Variants in MCTP2 observed in about 807,000 individuals in gnomAD.
MCTP2 encodes the protein multiple C2 and transmembrane domain containing 2.
MCTP2 carries 132 observed loss-of-function variants against 111.6 expected under a neutral mutation model. The observed-to-expected ratio is 1.18, with a 90% CI of 1.03 to 1.37. The LOEUF is 1.37. Among genes scored for constraint, MCTP2 ranks in the 40% most tolerant of loss-of-function variants. MCTP2 has a pLI of 0.00. For missense variants in MCTP2, 1,183 were observed against 1,067.9 expected (o/e 1.11, Z -1.50); for synonymous variants, 395 against 387.7 (o/e 1.02, Z -0.22).
intron 4 of MCTP2, among the ~76,000 whole-genome samples, chr15:94,329,873 A>G (rs2077054592): frequency 6.6e-6 from 1 of 152,130 alleles, no homozygotes; most frequent in African/African-American, 2.4e-5. Context: ...CCTTCCATTA[A>G]CTAGAGTCCT....
intron 1 of MCTP2, among the ~76,000 whole-genome samples, chr15:94,292,315 G>A (rs1010474661): frequency 2.6e-5 from 4 of 151,816 alleles, no homozygotes; most frequent in African/African-American, 7.3e-5. Flanking sequence ...AATAAGGCAA[G>A]AAAAAGAAAA....
chr15:94,369,160 A>G (rs907378358), intron 11 of MCTP2, among the ~76,000 whole-genome samples: 1 of 152,236 alleles, frequency 6.6e-6, no homozygotes, highest in Non-Finnish European at 1.5e-5. Context: ...TAGAGGAGAA[A>G]CAACTTTCAA....
At chr15:94,343,112 ATTGGTAGTTTTT>A (rs1346157094) in intron 7 of MCTP2, 6 of 151,164 alleles carry the variant, frequency 4.0e-5, no homozygotes, top group Non-Finnish European at 8.8e-5. Context: ...ATCTCTTCTG[ATTGGTAGTTTTT>A]TTCCATTTAT....
chr15:94,407,775 G>GCACACACA (rs57851445), intron 17 of MCTP2, among the ~76,000 whole-genome samples: 32 of 147,800 alleles, frequency 2.2e-4, no homozygotes, highest in Admixed American at 6.1e-4. Flanking sequence ...ATGTACTTGT[G>GCACACACA]CACACACACA....
At chr15:94,260,285 A>C (rs1284450239) in intron 1 of MCTP2, among the ~76,000 whole-genome samples, 2 of 152,096 alleles carry the variant, frequency 1.3e-5, no homozygotes, top group Non-Finnish European at 2.9e-5. Flanking sequence ...CCATCTCTTT[A>C]GCATTCCTTT....
At chr15:94,453,008 AT>A (rs1567737604) in intron 19 of MCTP2, among the ~76,000 whole-genome samples, 2 of 152,274 alleles carry the variant, frequency 1.3e-5, no homozygotes, top group South Asian at 4.1e-4. Flanking sequence ...GAAATAACTG[AT>A]TCTTTTCTTT....
At chr15:94,247,887 G>A (rs776254462) in intron 1 of MCTP2, among the ~76,000 whole-genome samples, 3 of 152,076 alleles carry the variant, frequency 2.0e-5, no homozygotes, top group Non-Finnish European at 4.4e-5. Context: ...TCATTCATTT[G>A]TTTGTTCCAT....
chr15:94,245,403 TATATATTTATATAC>T (rs2071822079), intron 1 of MCTP2, among the ~76,000 whole-genome samples: 2 of 55,424 alleles, frequency 3.6e-5, no homozygotes, highest in Admixed American at 1.6e-4. Context: ...TACATGTGTG[TATATATTTATATAC>T]ATGTGTGTAT....
chr15:94,410,307 G>T (rs2082098680), intron 17 of MCTP2, among the ~76,000 whole-genome samples: 4 of 152,104 alleles, frequency 2.6e-5, no homozygotes, highest in Admixed American at 2.6e-4. Flanking sequence ...GCTTGGTATT[G>T]TGTGCTGTGG....
At chr15:94,401,875 C>T (rs1596594589) in intron 16 of MCTP2, 25 bp from the exon 17 acceptor site, 2 of 1,583,008 alleles carry the variant, frequency 1.3e-6, no homozygotes, top group African/African-American at 1.4e-5. Context: ...AATCTAGTTT[C>T]CTGTTTGTCA....
chr15:94,470,349 G>A lies in MCTP2; in HGVS notation c.2377G>A (p.Val793Ile), dbSNP rs750045065. The change falls in exon 21 of 23, where the codon GTC (valine) becomes ATC (isoleucine). Residue 793 changes from valine (V) to isoleucine (I), a missense_variant. Physicochemically the swap from Val to Ile is conservative, Grantham distance 29. Transcript: ENST00000357742. ...ERIKNTFNWT[V>I]PFLSSLACLI... ...TGTCTACAGCACATTTAACTGGACG[G>A]TCCCCTTCCTTTCATCTCTGGCCTG... 1 of 1,613,044 alleles carries A rather than the reference G, an allele frequency of 6.2e-7. No homozygotes were observed. Among genetic ancestry groups the A allele is most frequent in the Non-Finnish European group, 8.5e-7 (1 of 1,179,074 alleles).
chr15:94,330,005 G>A (rs1040041277), intron 4 of MCTP2, among the ~76,000 whole-genome samples: 1 of 152,100 alleles, frequency 6.6e-6, no homozygotes, highest in African/African-American at 2.4e-5. Flanking sequence ...CTTTTTGTTT[G>A]TGTGTATTTG....
At chr15:94,260,520 A>G (rs991685980) in intron 1 of MCTP2, among the ~76,000 whole-genome samples, 2 of 152,192 alleles carry the variant, frequency 1.3e-5, no homozygotes, top group Non-Finnish European at 2.9e-5. Flanking sequence ...TTCCAACACC[A>G]TATTAAGGAC....
Position 94,440,159 on chromosome 15 carries a change from A to G in MCTP2, c.2086-17A>G, listed in dbSNP as rs762498473. On this transcript the variant is annotated splice_polypyrimidine_tract_variant and intron_variant, in intron 17 of 22. Coordinates refer to ENST00000357742, the MANE Select transcript of MCTP2 (RefSeq NM_001385001.1). ...TTTTATCAAGCAGTCGTGTATTCTT[A>G]TTTGTCTTTCAATCAGGTATTTTTG... The G allele has an allele frequency of 6.2e-7, 1 of 1,613,024 alleles. No individual in the cohort carries two copies. Among genetic ancestry groups the G allele is most frequent in the East Asian group, 2.2e-5 (1 of 44,872 alleles).
chr15:94,453,396 C>T (rs532742671), intron 19 of MCTP2, among the ~76,000 whole-genome samples: 1 of 152,364 alleles, frequency 6.6e-6, no homozygotes, highest in Admixed American at 6.5e-5. Context: ...CTAATCCCTT[C>T]TTGCTTCAGG....
chr15:94,270,945 A>G (rs983646508), intron 1 of MCTP2, among the ~76,000 whole-genome samples: 2 of 152,222 alleles, frequency 1.3e-5, no homozygotes, highest in African/African-American at 4.8e-5. Flanking sequence ...TAGTGGCTGG[A>G]ATATCCCATC....
intron 1 of MCTP2, among the ~76,000 whole-genome samples, chr15:94,263,625 T>C (rs59839730): frequency 6.6e-6 from 1 of 152,202 alleles, no homozygotes; most frequent in East Asian, 1.9e-4. Context: ...TAGGGAACCA[T>C]TTTAAACAGT....
chr15:94,420,454 T>C (rs1185876411), intron 17 of MCTP2, among the ~76,000 whole-genome samples: 3 of 152,130 alleles, frequency 2.0e-5, no homozygotes, highest in Non-Finnish European at 2.9e-5. Context: ...ATAAGAACCT[T>C]CTTGAAAGGA....
At chr15:94,432,858 C>T (rs765352795) in intron 17 of MCTP2, among the ~76,000 whole-genome samples, 2 of 152,126 alleles carry the variant, frequency 1.3e-5, no homozygotes, top group Non-Finnish European at 2.9e-5. Context: ...AGTACTTAGG[C>T]GAACAGCCAT....
Sources: gnomAD v4.1 joint callset for allele counts (sites outside exome capture counted in the v4.1 genomes callset) on GRCh38, gnomAD v4.1.1 for gene constraint, MANE v1.5 for transcripts, NCBI Gene and HGNC (gene_info 2026-07-23, HGNC 2026-07-21) for gene names.